SPDYE1: variants seen among roughly 807,000 people sequenced by gnomAD.
SPDYE1 encodes speedy/RINGO cell cycle regulator family member E1, also known as speedy protein E1.
Under a neutral mutation model 45.9 loss-of-function variants are expected in SPDYE1, and 29 were observed. The observed-to-expected ratio is 0.63, with a 90% CI of 0.47 to 0.86. The LOEUF (loss-of-function observed/expected upper bound fraction) is 0.86, where lower values mean the gene tolerates loss of function less well. Ranked by LOEUF, SPDYE1 falls within the 40% of genes least tolerant of loss-of-function variation. The pLI is 0.00. For missense variants in SPDYE1, 346 were observed against 481.4 expected (o/e 0.72, Z 2.63); for synonymous variants, 134 against 176.8 (o/e 0.76, Z 1.92).
chr7:44,005,128 T>C lies in SPDYE1; in HGVS notation c.667-14T>C, dbSNP rs937351792. 4 of 1,611,744 alleles carry C rather than the reference T, an allele frequency of 2.5e-6. No individual in the cohort carries two copies. In the South Asian group the frequency reaches 3.3e-5, roughly 13 times the overall value. ...TGTGACCTCTCCCTCTCTGTGTTCC[T>C]TTCTCTCCATCAGTATCTCCTTGCT... On this transcript the variant is annotated splice_polypyrimidine_tract_variant and intron_variant, in intron 5 of 8. Coordinates refer to ENST00000693451, the MANE Select transcript of SPDYE1 (RefSeq NM_001378423.2).
intron 6 of SPDYE1, 75 bp downstream of exon 6, chr7:44,005,302 T>C: frequency 1.3e-6 from 2 of 1,534,090 alleles, no homozygotes; most frequent in Non-Finnish European, 1.8e-6. Flanking sequence ...TTCCAGCCTT[T>C]CATTTATTCT....
At chr7:44,002,306 T>TCAA (rs1222736622) in intron 3 of SPDYE1, among the ~76,000 whole-genome samples, 1,675 of 78,928 alleles carry the variant, frequency 0.021, 56 homozygotes, top group Non-Finnish European at 0.03. Flanking sequence ...AGACTGTTTC[T>TCAA]CAACAACAAC....
At chr7:43,999,025 T>G (rs1385607374) in intron 1 of SPDYE1, among the ~76,000 whole-genome samples, 1 of 149,980 alleles carries the variant, frequency 6.7e-6, no homozygotes, top group African/African-American at 2.5e-5. Flanking sequence ...ATTTTATTCA[T>G]AGAATCCATA....
chr7:43,998,364 G>A (rs2096058246), intron 1 of SPDYE1, among the ~76,000 whole-genome samples: 1 of 151,146 alleles, frequency 6.6e-6, no homozygotes, highest in African/African-American at 2.4e-5. Context: ...GCCCAGGCTG[G>A]AGCACAATGG....
rs1212819963 is a variant in SPDYE1, at chr7:44,008,924, A to G, written c.*303A>G. 5 of 575,164 alleles carry G rather than the reference A, an allele frequency of 8.7e-6. No homozygotes were observed. The highest frequency in any genetic ancestry group is 2.0e-5 in the Admixed American group (1 of 49,756). The allele number at this position is 575,164 out of a possible 1,614,324, so 35.6% of individuals were successfully genotyped here. ...TTCCAGTTCCACCCTTTCCTGGGGC[A>G]CCACCACCCTTTTTATATTGCTGAA... On this transcript the variant is annotated 3_prime_UTR_variant, in exon 9 of 9. Coordinates refer to ENST00000693451, the MANE Select transcript of SPDYE1 (RefSeq NM_001378423.2).
rs560515104 is a variant in SPDYE1, at chr7:44,008,469, G to A, written c.*46-198G>A. Among the ~76,000 whole-genome samples the A allele has an allele frequency of 2.8e-3, 423 of 152,322 alleles. 1 individual carries two copies. The highest frequency in any genetic ancestry group is 8.7e-3 in the African/African-American group (361 of 41,574). Reference sequence around the variant, plus strand: ...GGCTGACCTTGGGTGTATTAAGTGAGTTTTGGAGTCATGGTCACCAAAGTG... The same window carrying A: ...GGCTGACCTTGGGTGTATTAAGTGAATTTTGGAGTCATGGTCACCAAAGTG... On this transcript the variant is annotated intron_variant, in intron 8 of 8. Coordinates refer to ENST00000693451, the MANE Select transcript of SPDYE1 (RefSeq NM_001378423.2).
rs1294514623 is a variant in SPDYE1 at position 44,009,185 on chromosome 7, ATTG to A, written c.*569_*571del. On this transcript the variant is annotated 3_prime_UTR_variant, in exon 9 of 9. Transcript: ENST00000693451. The stretch of plus-strand genomic sequence containing the variant: ...TAGATTTATTTCAAATAGTTTGGAA[ATTG>A]TTGTACTTTTGAAAACATGCTGTTC... 3 of 172,934 alleles carry A rather than the reference ATTG, an allele frequency of 1.7e-5. No homozygotes were observed. Among genetic ancestry groups the A allele is most frequent in the East Asian group, 1.9e-4 (1 of 5,360 alleles). The allele number at this position is 172,934 out of a possible 1,614,324, so 10.7% of individuals were successfully genotyped here. A position where few individuals can be genotyped will look rare whatever the true frequency, so the allele number is the denominator to read the frequency against.
chr7:44,001,432 G>T lies in SPDYE1; in HGVS notation c.379+148G>T. Reference sequence around the variant, plus strand: ...GACTCAGAAGTGATCACTCATGAGGGACACTTAGGAGACAATAGAGGACTA... The same window carrying T: ...GACTCAGAAGTGATCACTCATGAGGTACACTTAGGAGACAATAGAGGACTA... On this transcript the variant is annotated intron_variant, in intron 3 of 8. Transcript: ENST00000693451. The T allele has an allele frequency of 1.1e-5, 16 of 1,517,682 alleles. No individual in the cohort carries two copies. The South Asian group carries it at 1.8e-4, about 17-fold the overall frequency. 94.0% of individuals were successfully genotyped at this position (1,517,682 alleles called of 1,614,324 possible).
At chr7:44,005,760 A>G (rs1337668318) in intron 6 of SPDYE1, among the ~76,000 whole-genome samples, 195 of 150,534 alleles carry the variant, frequency 1.3e-3, no homozygotes, top group Non-Finnish European at 2.1e-3. Flanking sequence ...ACCATAAACC[A>G]CTCCTAAGGG....
intron 1 of SPDYE1, among the ~76,000 whole-genome samples, chr7:43,998,258 G>A (rs1441788670): frequency 2.0e-5 from 3 of 152,072 alleles, no homozygotes; most frequent in African/African-American, 7.2e-5. Context: ...TTCTATGAGC[G>A]AGAGACTCCT....
intron 3 of SPDYE1, among the ~76,000 whole-genome samples, chr7:44,002,262 C>T (rs1422811296): frequency 6.8e-6 from 1 of 146,724 alleles, no homozygotes; most frequent in Non-Finnish European, 1.5e-5. Context: ...GAGCCAAGAT[C>T]GCACCACTAC....
Position 44,002,319 on chromosome 7 carries a change from C to CAAAA in SPDYE1, c.380-253_380-250dup, listed in dbSNP as rs57275170. Among the ~76,000 whole-genome samples the CAAAA allele has an allele frequency of 9.8e-3, 422 of 43,246 alleles. 9 individuals are homozygous for CAAAA. The highest frequency in any genetic ancestry group is 0.05 in the Middle Eastern group (3 of 60). 28.4% of individuals were successfully genotyped at this position (43,246 alleles called of 152,430 possible). On this transcript the variant is annotated intron_variant, in intron 3 of 8. Coordinates refer to ENST00000693451, the MANE Select transcript of SPDYE1 (RefSeq NM_001378423.2). ...CAAGACTGTTTCTCAACAACAACAACAAAAAAAAAAAAAAAAAAAAAGGGA... is the reference window on the plus strand; with the variant it reads ...CAAGACTGTTTCTCAACAACAACAACAAAAAAAAAAAAAAAAAAAAAAAAAGGGA...
chr7:44,002,008 G>A (rs560320445), intron 3 of SPDYE1, among the ~76,000 whole-genome samples: 1 of 151,314 alleles, frequency 6.6e-6, no homozygotes, highest in Admixed American at 6.6e-5. Flanking sequence ...AGGGTGTGTG[G>A]GAAGAATGGA....
chr7:44,004,079 A>T, intron 5 of SPDYE1, 168 bp downstream of exon 5: 2 of 1,194,038 alleles, frequency 1.7e-6, no homozygotes, highest in Non-Finnish European at 1.2e-6. Context: ...TCTGTTGCCC[A>T]GGCTGGAGGG....
chr7:44,000,140 T>C (rs2096060735), intron 2 of SPDYE1, 31 bp downstream of exon 2: 1 of 983,796 alleles, frequency 1.0e-6, no homozygotes, highest in South Asian at 4.7e-5. Context: ...AGAGGTGGGA[T>C]AGGATTGACT....
intron 3 of SPDYE1, among the ~76,000 whole-genome samples, chr7:44,002,267 C>T (rs928461703): frequency 1.4e-5 from 2 of 145,334 alleles, no homozygotes; most frequent in African/African-American, 5.1e-5. Flanking sequence ...AAGATCGCAC[C>T]ACTACACTCC....
intron 2 of SPDYE1, 142 bp from the exon 3 acceptor site, chr7:44,000,924 G>C: frequency 1.3e-6 from 2 of 1,578,242 alleles, no homozygotes; most frequent in Non-Finnish European, 8.5e-7. Context: ...GGGTTGAGCA[G>C]AGGAGAAAAT....
chr7:44,006,734 C>T (rs2128779103), intron 6 of SPDYE1, among the ~76,000 whole-genome samples: 2 of 152,332 alleles, frequency 1.3e-5, no homozygotes, highest in Middle Eastern at 6.8e-3. Flanking sequence ...TATGCTTCAG[C>T]CTCCTGAGTA....
rs201976355 is a variant in SPDYE1, at chr7:44,003,843, C to G, written c.608-10C>G. 3.1e-4 allele frequency: 297 copies of G among 962,474 alleles called. No homozygotes were observed. In the East Asian group the frequency reaches 6.0e-3, roughly 19 times the overall value. 59.6% of individuals were successfully genotyped at this position (962,474 alleles called of 1,614,324 possible). A position where few individuals can be genotyped will look rare whatever the true frequency, so the allele number is the denominator to read the frequency against. On this transcript the variant is annotated splice_polypyrimidine_tract_variant and intron_variant, in intron 4 of 8. Transcript: ENST00000693451. ...TGCTTCTCACACTGACATCTGCTCT[C>G]TAATCACAGAGGATCCTGTCATTAA...
Sources: gnomAD v4.1 joint callset for allele counts (sites outside exome capture counted in the v4.1 genomes callset) on GRCh38, gnomAD v4.1.1 for gene constraint, MANE v1.5 for transcripts, NCBI Gene and HGNC (gene_info 2026-07-23, HGNC 2026-07-21) for gene names.